The following NRXN1 variants were observed in gnomAD, a reference collection of about 807,000 sequenced individuals.
The protein encoded by NRXN1 is neurexin 1, also known as neurexin-1.
Under a neutral mutation model 150.9 loss-of-function variants are expected in NRXN1, and 39 were observed. The observed-to-expected ratio is 0.26, with a 90% confidence interval of 0.20 to 0.34. NRXN1 has a LOEUF of 0.34. Among genes scored for constraint, NRXN1 ranks in the 10% least tolerant of loss-of-function variants. The pLI, the probability that NRXN1 is intolerant of heterozygous loss-of-function variation, is 1.00. For synonymous variants in NRXN1, 924 were observed against 757.0 expected (o/e 1.22, Z -3.62); for missense variants, 1,815 against 1,949.9 (o/e 0.93, Z 1.30).
At chr2:51,015,832 C>T (rs1257872101) in intron 2 of NRXN1, among the ~76,000 whole-genome samples, 1 of 151,618 alleles carries the variant, frequency 6.6e-6, no homozygotes, top group Non-Finnish European at 1.5e-5. Context: ...AAAAATGGAG[C>T]ACGTTTTTAA....
intron 17 of NRXN1, among the ~76,000 whole-genome samples, chr2:50,306,733 G>A (rs1013143967): frequency 8.5e-5 from 13 of 152,162 alleles, no homozygotes; most frequent in Non-Finnish European, 2.9e-5. Flanking sequence ...AACAGACTTT[G>A]TTTCTAACTT....
chr2:50,705,923 G>C (rs1364105430), intron 5 of NRXN1, among the ~76,000 whole-genome samples: 1 of 152,162 alleles, frequency 6.6e-6, no homozygotes, highest in Admixed American at 6.5e-5. Context: ...ATTCTAATTA[G>C]AGATAAAGGA....
At chr2:50,223,691 T>C (rs1328593896) in intron 18 of NRXN1, among the ~76,000 whole-genome samples, 2 of 151,956 alleles carry the variant, frequency 1.3e-5, no homozygotes, top group South Asian at 2.1e-4. Context: ...GTCGGGAAAA[T>C]GTCCAATCAG....
chr2:50,261,206 T>C (rs1354967464), intron 17 of NRXN1, among the ~76,000 whole-genome samples: 1 of 151,758 alleles, frequency 6.6e-6, no homozygotes, highest in African/African-American at 2.4e-5. Flanking sequence ...AGACTTTCCA[T>C]AGATTGGGAG....
At chr2:50,405,142 G>C (rs1337146299) in intron 17 of NRXN1, among the ~76,000 whole-genome samples, 1 of 152,028 alleles carries the variant, frequency 6.6e-6, no homozygotes, top group Non-Finnish European at 1.5e-5. Context: ...AATATATCTG[G>C]ACTGAACTAA....
At chr2:50,646,043 G>A (rs983836105) in intron 5 of NRXN1, among the ~76,000 whole-genome samples, 2 of 151,862 alleles carry the variant, frequency 1.3e-5, no homozygotes, top group Non-Finnish European at 2.9e-5. Context: ...TGAAGAATAA[G>A]GTCTAAATCA....
chr2:50,877,833 G>A (rs571442277), intron 5 of NRXN1, among the ~76,000 whole-genome samples: 1 of 151,988 alleles, frequency 6.6e-6, no homozygotes, highest in East Asian at 2.0e-4. Flanking sequence ...TCTGTGGGAA[G>A]AGTACAAAAA....
chr2:50,497,213 C>G (rs1160416862), intron 14 of NRXN1, 120 bp downstream of exon 14: 2 of 628,300 alleles, frequency 3.2e-6, no homozygotes, highest in Non-Finnish European at 4.9e-6. Flanking sequence ...TATTTGTCCT[C>G]CACCTGCTCC....
At chr2:50,435,622 T>C (rs1183021194) in intron 17 of NRXN1, among the ~76,000 whole-genome samples, 3 of 152,202 alleles carry the variant, frequency 2.0e-5, no homozygotes, top group African/African-American at 7.2e-5. Flanking sequence ...CATGCGTCTT[T>C]ATGGTAGAAC....
intron 5 of NRXN1, among the ~76,000 whole-genome samples, chr2:50,717,013 A>G (rs1332604613): frequency 6.6e-6 from 1 of 152,150 alleles, no homozygotes; most frequent in African/African-American, 2.4e-5. Context: ...GAGTAGTGGA[A>G]AAAGTCCATT....
chr2:50,350,658 A>T (rs1159875522), intron 17 of NRXN1, among the ~76,000 whole-genome samples: 1 of 152,222 alleles, frequency 6.6e-6, no homozygotes, highest in Non-Finnish European at 1.5e-5. Flanking sequence ...GAAAAGCCAT[A>T]GAAATAGAAT....
intron 5 of NRXN1, 59 bp from the exon 6 acceptor site, chr2:50,623,674 G>T: frequency 1.6e-6 from 2 of 1,254,264 alleles, no homozygotes; most frequent in Non-Finnish European, 2.2e-6. Context: ...AAATCAGCAG[G>T]TCTTAACAGA....
At chr2:50,502,941 A>C (rs781630296) in intron 13 of NRXN1, among the ~76,000 whole-genome samples, 1 of 152,100 alleles carries the variant, frequency 6.6e-6, no homozygotes, top group Non-Finnish European at 1.5e-5. Context: ...CACTAAATGG[A>C]AATTAAATGG....
At chr2:49,991,509 A>T (rs1325946466) in intron 21 of NRXN1, among the ~76,000 whole-genome samples, 1 of 152,202 alleles carries the variant, frequency 6.6e-6, no homozygotes, top group African/African-American at 2.4e-5. Context: ...AAACACATAG[A>T]TGTAAATCAA....
intron 8 of NRXN1, among the ~76,000 whole-genome samples, chr2:50,577,740 A>T (rs1036648985): frequency 6.7e-6 from 1 of 150,046 alleles, no homozygotes; most frequent in South Asian, 2.1e-4. Flanking sequence ...ACACACACAC[A>T]CTAAATGGTA....
At chr2:50,759,424 G>C (rs2105372888) in intron 5 of NRXN1, among the ~76,000 whole-genome samples, 1 of 151,956 alleles carries the variant, frequency 6.6e-6, no homozygotes, top group African/African-American at 2.4e-5. Flanking sequence ...AAGATAACTA[G>C]CATAAAAGGA....
At chr2:50,929,990 A>C (rs1171750756) in intron 2 of NRXN1, among the ~76,000 whole-genome samples, 1 of 152,138 alleles carries the variant, frequency 6.6e-6, no homozygotes, top group Non-Finnish European at 1.5e-5. Flanking sequence ...TTCAAAGAGA[A>C]AATGAAGCAT....
Position 50,151,170 on chromosome 2 carries a change from G to A in NRXN1, c.3547-59676C>T, listed in dbSNP as rs754628784. 1.1e-4 allele frequency among the ~76,000 whole-genome samples: 16 copies of A among 151,624 alleles called. 2 individuals carry two copies. The highest frequency in any genetic ancestry group is 7.3e-4 in the Admixed American group (11 of 15,160). On this transcript the variant is annotated intron_variant, in intron 18 of 22. Coordinates refer to ENST00000401669, the MANE Select transcript of NRXN1 (RefSeq NM_001330078.2). The stretch of plus-strand genomic sequence containing the variant: ...TGATTTCTGACAGTGCCTGAATCCC[G>A]AGGGCTGGACTTCACCACTCTTCTT...
intron 5 of NRXN1, among the ~76,000 whole-genome samples, chr2:50,750,368 A>G (rs891422886): frequency 2.0e-5 from 3 of 152,028 alleles, no homozygotes; most frequent in Admixed American, 2.0e-4. Flanking sequence ...ATGTCACAGA[A>G]AACCTGACTA....
Sources: gnomAD v4.1 joint callset for allele counts (sites outside exome capture counted in the v4.1 genomes callset) on GRCh38, gnomAD v4.1.1 for gene constraint, MANE v1.5 for transcripts, NCBI Gene and HGNC (gene_info 2026-07-23, HGNC 2026-07-21) for gene names.